Variants in TFDP2 observed in about 807,000 individuals in gnomAD.
TFDP2 encodes transcription factor Dp-2.
Under a neutral mutation model 59.3 loss-of-function variants are expected in TFDP2, and 17 were observed. That is an observed-to-expected ratio of 0.29 (90% confidence interval 0.20 to 0.43). The LOEUF (loss-of-function observed/expected upper bound fraction) is 0.43, where lower values mean the gene tolerates loss of function less well. Ranked by LOEUF, TFDP2 falls within the 20% of genes least tolerant of loss-of-function variation. The pLI is 1.00. For synonymous variants in TFDP2, 180 were observed against 194.7 expected, an observed-to-expected ratio of 0.92 and a Z score of 0.63; for missense variants, 391 against 528.8, an observed-to-expected ratio of 0.74 and a Z score of 2.56.
At chr3:142,135,923 G>T (rs1208311289) in intron 1 of TFDP2, among the ~76,000 whole-genome samples, 1 of 152,028 alleles carries the variant, frequency 6.6e-6, no homozygotes, top group African/African-American at 2.4e-5. Context: ...TATACCCAGT[G>T]ATGAGATTGC....
At chr3:141,961,838 T>A (rs1022700816) in intron 10 of TFDP2, among the ~76,000 whole-genome samples, 3 of 152,188 alleles carry the variant, frequency 2.0e-5, no homozygotes, top group African/African-American at 7.2e-5. Flanking sequence ...CTAGGAAGGC[T>A]GAGGCAGGGG....
rs1935904577 is a variant in TFDP2, at chr3:141,951,205, C to T, written c.*1308G>A. On this transcript the variant is annotated 3_prime_UTR_variant, in exon 13 of 13. Transcript: ENST00000489671. ...CATTATTATTTGCTCCTTTCCAAAGCCTTAATGTGAAATTCAGTCAGGGTC... is the reference window on the plus strand; with the variant it reads ...CATTATTATTTGCTCCTTTCCAAAGTCTTAATGTGAAATTCAGTCAGGGTC... The T allele has an allele frequency of 1.3e-5, 2 of 152,180 alleles. No homozygotes were observed. Among genetic ancestry groups the T allele is most frequent in the African/African-American group, 4.8e-5 (2 of 41,512 alleles). The allele number at this position is 152,180 out of a possible 1,614,324, so 9.4% of individuals were successfully genotyped here.
chr3:141,979,777 C>G (rs149420622), intron 6 of TFDP2, among the ~76,000 whole-genome samples: 1 of 152,044 alleles, frequency 6.6e-6, no homozygotes, highest in South Asian at 2.1e-4. Flanking sequence ...TTAGTAGAGA[C>G]GGGGTTTCAT....
At position 142,046,581 on chromosome 3, in the gene TFDP2, A is replaced by G. The variant is rs1001839782; in HGVS notation, c.83-41037T>C. 1.3e-4 allele frequency among the ~76,000 whole-genome samples: 5 copies of G among 37,706 alleles called. No individual in the cohort carries two copies. The African/African-American group carries it at 1.9e-3, about 14-fold the overall frequency. 24.7% of individuals were successfully genotyped at this position (37,706 alleles called of 152,430 possible). A position where few individuals can be genotyped will look rare whatever the true frequency, so the allele number is the denominator to read the frequency against. ...GGATGTTGCAGATAGCAGTTGCAAC[A>G]CGGCGTTGGTGTTGGTGGGAAGCTG... is the stretch of plus-strand genomic sequence containing the variant. On this transcript the variant is annotated intron_variant, in intron 3 of 12. Transcript: ENST00000489671.
intron 2 of TFDP2, among the ~76,000 whole-genome samples, chr3:142,093,351 A>G (rs1358340859): frequency 6.6e-6 from 1 of 151,966 alleles, no homozygotes; most frequent in African/African-American, 2.4e-5. Context: ...TGGGAGGCTG[A>G]GGTCGGAGGA....
chr3:142,104,148 T>C (rs2061401570), intron 1 of TFDP2, among the ~76,000 whole-genome samples: 1 of 152,234 alleles, frequency 6.6e-6, no homozygotes, highest in Non-Finnish European at 1.5e-5. Context: ...CAAGTTTTGC[T>C]TACAGTAGTT....
intron 3 of TFDP2, among the ~76,000 whole-genome samples, chr3:142,050,179 G>A (rs1382717299): frequency 2.0e-5 from 3 of 149,634 alleles, no homozygotes; most frequent in African/African-American, 7.4e-5. Flanking sequence ...AGGCAGAATC[G>A]CTTGAACCCA....
intron 7 of TFDP2, among the ~76,000 whole-genome samples, chr3:141,975,304 A>G (rs1057193096): frequency 6.6e-6 from 1 of 152,140 alleles, no homozygotes; most frequent in East Asian, 1.9e-4. Flanking sequence ...CAACGATAAT[A>G]AAGGATGGTG....
intron 3 of TFDP2, among the ~76,000 whole-genome samples, chr3:142,040,815 A>G (rs1946925622): frequency 6.6e-6 from 1 of 152,140 alleles, no homozygotes; most frequent in African/African-American, 2.4e-5. Context: ...AAGGGAGGAA[A>G]ATCACTTGAG....
At chr3:142,140,445 C>G (rs1353716143) in intron 1 of TFDP2, among the ~76,000 whole-genome samples, 2 of 152,172 alleles carry the variant, frequency 1.3e-5, no homozygotes, top group Non-Finnish European at 2.9e-5. Flanking sequence ...AAGAGGCACT[C>G]TGGTTTTTAG....
chr3:141,973,881 T>C (rs1227048207), intron 8 of TFDP2, among the ~76,000 whole-genome samples, 167 bp downstream of exon 8: 1 of 152,150 alleles, frequency 6.6e-6, no homozygotes, highest in East Asian at 1.9e-4. Flanking sequence ...CTGCAGACTA[T>C]ACCTATAAGG....
intron 2 of TFDP2, 34 bp from the exon 3 acceptor site, chr3:142,093,161 ATATT>A (rs2061053389): frequency 1.5e-5 from 21 of 1,447,938 alleles, no homozygotes; most frequent in Non-Finnish European, 2.0e-5. Flanking sequence ...TAAAAATAGA[ATATT>A]AAGTAGTATG....
chr3:142,041,490 C>T (rs898672289), intron 3 of TFDP2, among the ~76,000 whole-genome samples: 4 of 152,232 alleles, frequency 2.6e-5, no homozygotes, highest in African/African-American at 7.2e-5. Flanking sequence ...CCTCTGCACA[C>T]GCTCTCTTGC....
At chr3:142,104,345 T>G (rs1233783884) in intron 1 of TFDP2, among the ~76,000 whole-genome samples, 1 of 150,384 alleles carries the variant, frequency 6.6e-6, no homozygotes, top group Non-Finnish European at 1.5e-5. Flanking sequence ...AATTTAAAGT[T>G]AAAATGTTAA....
At chr3:142,043,643 C>T (rs1371197954) in intron 3 of TFDP2, 2 of 904,084 alleles carry the variant, frequency 2.2e-6, no homozygotes, top group Non-Finnish European at 3.8e-6. Flanking sequence ...GTCTCTTCCT[C>T]CTTAGACAAA....
rs907569504 is a variant in TFDP2 at position 141,959,680 on chromosome 3, T to C, written c.1045A>G (p.Ile349Val). 1 of 1,614,132 alleles carries C rather than the reference T, an allele frequency of 6.2e-7. No individual in the cohort carries two copies. Among genetic ancestry groups the C allele is most frequent in the Non-Finnish European group, 8.5e-7 (1 of 1,179,984 alleles). ...SLVPKALEGY[I>V]TDISTGPSWL... is the part of the protein sequence containing the mutation. ...AAAGCATCAGTTAACATACCTGTGA[T>C]ATAACCTTCTAAAGCCTTTGGCACC... Residue 349 changes from isoleucine to valine, a missense_variant, in exon 11 of 13, where the codon ATC (isoleucine) becomes GTC (valine). Ile to Val is a conservative substitution (Grantham distance 29). Coordinates refer to ENST00000489671, the MANE Select transcript of TFDP2 (RefSeq NM_001178139.2).
chr3:142,017,792 C>A (rs990492138), intron 3 of TFDP2, among the ~76,000 whole-genome samples: 1 of 152,006 alleles, frequency 6.6e-6, no homozygotes, highest in Admixed American at 6.6e-5. Context: ...ACCTCGTGAT[C>A]CACCCGCCTC....
At chr3:142,090,906 C>T (rs2060975046) in intron 3 of TFDP2, 2 of 152,148 alleles carry the variant, frequency 1.3e-5, no homozygotes, top group South Asian at 4.1e-4. Context: ...ACTTGCTATC[C>T]TCTCTTTATT....
intron 3 of TFDP2, among the ~76,000 whole-genome samples, chr3:142,063,383 C>T (rs890362182): frequency 6.6e-6 from 1 of 152,078 alleles, no homozygotes; most frequent in Non-Finnish European, 1.5e-5. Context: ...CTTTAAAATG[C>T]TTCTCTTCAT....
Sources: gnomAD v4.1 joint callset for allele counts (sites outside exome capture counted in the v4.1 genomes callset) on GRCh38, gnomAD v4.1.1 for gene constraint, MANE v1.5 for transcripts, NCBI Gene and HGNC (gene_info 2026-07-23, HGNC 2026-07-21) for gene names.